Variants in CTNNA2 observed in about 807,000 individuals in gnomAD.
CTNNA2 encodes the protein catenin alpha 2.
In CTNNA2, 42 loss-of-function variants were observed where a neutral mutation model predicts 101.0. The observed-to-expected ratio is 0.42, with a 90% CI of 0.32 to 0.54. The LOEUF is 0.54. Among genes scored for constraint, CTNNA2 ranks in the 20% least tolerant of loss-of-function variants. The pLI, the probability that CTNNA2 is intolerant of heterozygous loss-of-function variation, is 0.14. For missense variants in CTNNA2, 871 were observed against 1,223.1 expected (o/e 0.71, Z 4.29); for synonymous variants, 450 against 456.4 (o/e 0.99, Z 0.18).
At chr2:79,442,809 T>G (rs1678790685) in intron 4 of CTNNA2, among the ~76,000 whole-genome samples, 1 of 152,168 alleles carries the variant, frequency 6.6e-6, no homozygotes, top group African/African-American at 2.4e-5. Flanking sequence ...AGGCGTATTG[T>G]GGGAGGTTGA....
chr2:79,291,139 C>G (rs1675797570), intron 2 of CTNNA2, among the ~76,000 whole-genome samples: 2 of 152,218 alleles, frequency 1.3e-5, no homozygotes, highest in African/African-American at 4.8e-5. Context: ...GGGAACTTTT[C>G]TCCTTTCACT....
intron 9 of CTNNA2, among the ~76,000 whole-genome samples, chr2:80,467,409 G>A (rs1195153517): frequency 6.6e-6 from 1 of 152,132 alleles, no homozygotes; most frequent in East Asian, 1.9e-4. Flanking sequence ...GACACTACTA[G>A]GGGAAGATAC....
rs1673065171 is a variant in CTNNA2, at chr2:79,765,266, G to T, written c.298+20684G>T. The stretch of plus-strand genomic sequence containing the variant: ...AATGATTTTATTTTCTTTAAATAAT[G>T]ACAGAAGAACAAAAAAGAGTATTTC... On this transcript the variant is annotated intron_variant, in intron 3 of 18. Coordinates refer to ENST00000402739, the MANE Select transcript of CTNNA2 (RefSeq NM_001282597.3). Among the ~76,000 whole-genome samples, 3 of 152,250 alleles carry T rather than the reference G, an allele frequency of 2.0e-5. 1 individual carries two copies. In the South Asian group the frequency reaches 6.2e-4, roughly 32 times the overall value.
At chr2:80,057,145 T>C (rs72924630) in intron 7 of CTNNA2, among the ~76,000 whole-genome samples, 3,465 of 151,800 alleles carry the variant, frequency 0.023, 131 homozygotes, top group African/African-American at 0.08. Context: ...TTTTTAAAAG[T>C]AAATCCATGG....
chr2:80,055,585 T>C (rs1173865995), intron 7 of CTNNA2, among the ~76,000 whole-genome samples: 1 of 152,086 alleles, frequency 6.6e-6, no homozygotes, highest in African/African-American at 2.4e-5. Context: ...TTCCAATGAC[T>C]CTTAAAAACT....
At chr2:79,719,885 T>A (rs910385449) in intron 2 of CTNNA2, among the ~76,000 whole-genome samples, 1 of 152,188 alleles carries the variant, frequency 6.6e-6, no homozygotes, top group African/African-American at 2.4e-5. Context: ...GTGCAGAAGC[T>A]CTTTAGTTTA....
In CTNNA2 at chr2:79,438,410, A is replaced by G. The variant is rs80321908; in HGVS notation, c.-135+64397A>G. On this transcript the variant is annotated intron_variant, in intron 4 of 21. Coordinates refer to the CTNNA2 transcript ENST00000466387. ...AGAGATGGCCTCCTTTTTAGCACTG[A>G]AAGTCCTATGAAAGAGCAACATCTA... 0.011 allele frequency among the ~76,000 whole-genome samples: 1,604 copies of G among 152,292 alleles called. 79 individuals are homozygous for G. In the East Asian group the frequency reaches 0.13, roughly 12 times the overall value.
chr2:79,899,765 A>G (rs1457202957), intron 6 of CTNNA2, among the ~76,000 whole-genome samples: 1 of 152,236 alleles, frequency 6.6e-6, no homozygotes, highest in East Asian at 1.9e-4. Flanking sequence ...ATACTTTGCA[A>G]TTTAAAAATT....
chr2:79,338,576 T>TATTCTTCTTCTTCTTCTTCTTCTA (rs1553401025), intron 3 of CTNNA2, among the ~76,000 whole-genome samples: 1 of 9,508 alleles, frequency 1.1e-4, no homozygotes, highest in African/African-American at 4.4e-4. Flanking sequence ...TTCCTCCTCA[T>TATTCTTCTTCTTCTTCTTCTTCTA]CATCTTCTTC....
chr2:79,343,831 C>T (rs1677194988), intron 3 of CTNNA2, among the ~76,000 whole-genome samples: 1 of 151,974 alleles, frequency 6.6e-6, no homozygotes, highest in Admixed American at 6.6e-5. Flanking sequence ...TCATCCTTGA[C>T]CTACAAACTA....
intron 1 of CTNNA2, among the ~76,000 whole-genome samples, chr2:79,641,502 T>C (rs552860302): frequency 6.6e-6 from 1 of 152,330 alleles, no homozygotes; most frequent in South Asian, 2.1e-4. Context: ...GTTGTTGGAA[T>C]CTACTGTCCA....
chr2:80,543,617 A>T (rs1691771923), intron 9 of CTNNA2, among the ~76,000 whole-genome samples: 1 of 152,326 alleles, frequency 6.6e-6, no homozygotes, highest in African/African-American at 2.4e-5. Flanking sequence ...CATGTTGCTG[A>T]TAAGGAAGCA....
chr2:79,368,326 C>G (rs1677795214), intron 3 of CTNNA2, among the ~76,000 whole-genome samples: 1 of 152,134 alleles, frequency 6.6e-6, no homozygotes, highest in Non-Finnish European at 1.5e-5. Flanking sequence ...AGAGCTGTTC[C>G]TTTCCAATCC....
intron 3 of CTNNA2, among the ~76,000 whole-genome samples, chr2:79,319,352 G>T (rs1404610620): frequency 6.6e-6 from 1 of 152,040 alleles, no homozygotes; most frequent in Non-Finnish European, 1.5e-5. Context: ...TCATTCCATT[G>T]GCCAAACACA....
chr2:80,565,178 T>A (rs919502320), intron 12 of CTNNA2, among the ~76,000 whole-genome samples: 2 of 152,132 alleles, frequency 1.3e-5, no homozygotes, highest in African/African-American at 4.8e-5. Context: ...TGTTTTTATT[T>A]TCTGGAAGTT....
intron 7 of CTNNA2, among the ~76,000 whole-genome samples, chr2:80,230,749 A>AAT: frequency 6.6e-6 from 1 of 152,130 alleles, no homozygotes; most frequent in East Asian, 1.9e-4. Flanking sequence ...CACATAAGGA[A>AAT]ATCACAGAGA....
At chr2:79,872,341 C>A (rs766653961) in intron 5 of CTNNA2, among the ~76,000 whole-genome samples, 3 of 151,750 alleles carry the variant, frequency 2.0e-5, no homozygotes, top group Non-Finnish European at 4.4e-5. Flanking sequence ...ATTTTCACAA[C>A]CCGCATTTCT....
chr2:79,321,321 A>T (rs141516442), intron 3 of CTNNA2, among the ~76,000 whole-genome samples: 13 of 152,270 alleles, frequency 8.5e-5, no homozygotes, highest in African/African-American at 3.1e-4. Context: ...TACGTAGGGC[A>T]TTGGCTCCAA....
chr2:80,535,221 T>C (rs1486329567), intron 9 of CTNNA2, among the ~76,000 whole-genome samples: 1 of 152,210 alleles, frequency 6.6e-6, no homozygotes, highest in Admixed American at 6.5e-5. Flanking sequence ...TGCTAAATTC[T>C]GTCTTCCCAC....
Sources: gnomAD v4.1 joint callset for allele counts (sites outside exome capture counted in the v4.1 genomes callset) on GRCh38, gnomAD v4.1.1 for gene constraint, MANE v1.5 for transcripts, NCBI Gene and HGNC (gene_info 2026-07-23, HGNC 2026-07-21) for gene names.